Variants in STAG1 observed in about 807,000 individuals in gnomAD.
STAG1 encodes cohesin subunit SA-1.
Under a neutral mutation model 170.9 loss-of-function variants are expected in STAG1, and 26 were observed. The observed-to-expected ratio is 0.15, with a 90% CI of 0.11 to 0.21. The LOEUF (loss-of-function observed/expected upper bound fraction) is 0.21. Ranked by LOEUF, STAG1 falls within the 10% of genes least tolerant of loss-of-function variation. The pLI is 1.00. For missense variants in STAG1, 964 were observed against 1,509.5 expected, an observed-to-expected ratio of 0.64 and a Z score of 5.99; for synonymous variants, 514 against 497.7, an observed-to-expected ratio of 1.03 and a Z score of -0.44.
intron 22 of STAG1, among the ~76,000 whole-genome samples, chr3:136,393,651 T>C (rs2087071397): frequency 6.7e-6 from 1 of 149,596 alleles, no homozygotes; most frequent in African/African-American, 2.5e-5. Flanking sequence ...TGGAGTGCAC[T>C]GGTGTAATCT....
intron 1 of STAG1, among the ~76,000 whole-genome samples, chr3:136,681,479 CA>C (rs1942333650): frequency 6.6e-6 from 1 of 151,988 alleles, no homozygotes; most frequent in South Asian, 2.1e-4. Flanking sequence ...AGGCACAATC[CA>C]AACAAGGTAG....
intron 1 of STAG1, among the ~76,000 whole-genome samples, chr3:136,695,040 G>A (rs1045466529): frequency 6.6e-6 from 1 of 152,168 alleles, no homozygotes; most frequent in Non-Finnish European, 1.5e-5. Context: ...ACTCTTAAAT[G>A]CATTTGGATG....
rs1943529003 is a variant in STAG1 at position 136,715,893 on chromosome 3, T to C, written c.-84+36302A>G. Among the ~76,000 whole-genome samples the C allele has an allele frequency of 2.7e-5, 4 of 149,784 alleles. No homozygotes were observed. In the South Asian group the frequency reaches 8.5e-4, roughly 32 times the overall value. ...CAGGCAGATCACCTGAGGTGAGGAG[T>C]TCGAGACCAGCCTGGCCAACGTGGC... On this transcript the variant is annotated intron_variant, in intron 1 of 33. Transcript: ENST00000383202.
At chr3:136,741,648 A>C (rs1217813415) in intron 1 of STAG1, among the ~76,000 whole-genome samples, 1 of 152,096 alleles carries the variant, frequency 6.6e-6, no homozygotes, top group African/African-American at 2.4e-5. Context: ...TTGTATTTTT[A>C]GTAGAGATGG....
At chr3:136,623,281 T>G in intron 2 of STAG1, 33 bp from the exon 3 acceptor site, 1 of 1,582,470 alleles carries the variant, frequency 6.3e-7, no homozygotes, top group South Asian at 1.1e-5. Context: ...AGCGAACAAA[T>G]TAATAAGTAT....
At chr3:136,514,847 G>T (rs1035661842) in intron 7 of STAG1, among the ~76,000 whole-genome samples, 3 of 152,072 alleles carry the variant, frequency 2.0e-5, no homozygotes, top group African/African-American at 7.2e-5. Context: ...TCACTCATAG[G>T]TGGGAATTGA....
At chr3:136,641,102 A>G (rs1940782139) in intron 1 of STAG1, among the ~76,000 whole-genome samples, 2 of 152,258 alleles carry the variant, frequency 1.3e-5, no homozygotes, top group South Asian at 4.1e-4. Flanking sequence ...TAATGAATAG[A>G]AGAGCTGTCT....
intron 1 of STAG1, among the ~76,000 whole-genome samples, chr3:136,742,734 G>T (rs1486714542): frequency 6.7e-6 from 1 of 149,400 alleles, no homozygotes. Flanking sequence ...AAAAAGAAAA[G>T]AAAATTAAAC....
intron 1 of STAG1, among the ~76,000 whole-genome samples, chr3:136,709,568 T>TA (rs1174688582): frequency 1.3e-5 from 2 of 150,460 alleles, no homozygotes; most frequent in Non-Finnish European, 1.5e-5. Context: ...GACCCATCTC[T>TA]AAAAAAATAA....
chr3:136,402,094 C>T lies in STAG1; in HGVS notation c.2197-3265G>A, dbSNP rs542699783. Among the ~76,000 whole-genome samples the T allele has an allele frequency of 1.5e-3, 221 of 152,142 alleles. No individual in the cohort carries two copies. The South Asian group carries it at 0.023, about 16-fold the overall frequency. ...TTTATCTTGTGTCACTATGATCTTC[C>T]CCACTTGATAAACTACAAACCATAA... On this transcript the variant is annotated intron_variant, in intron 21 of 33. Transcript: ENST00000383202.
intron 1 of STAG1, among the ~76,000 whole-genome samples, chr3:136,716,212 T>G (rs553319837): frequency 6.6e-6 from 1 of 151,932 alleles, no homozygotes; most frequent in Admixed American, 6.6e-5. Context: ...ATCCCACCAC[T>G]TTGGGAGGCT....
chr3:136,517,671 T>A (rs1934448842), intron 7 of STAG1, among the ~76,000 whole-genome samples: 1 of 151,690 alleles, frequency 6.6e-6, no homozygotes, highest in African/African-American at 2.4e-5. Context: ...AATTTGAAAA[T>A]AAAAAAGTTC....
At chr3:136,690,481 C>T (rs1431879819) in intron 1 of STAG1, among the ~76,000 whole-genome samples, 1 of 152,224 alleles carries the variant, frequency 6.6e-6, no homozygotes, top group Non-Finnish European at 1.5e-5. Context: ...ACATGATCTG[C>T]CCATCTGGGC....
intron 7 of STAG1, among the ~76,000 whole-genome samples, chr3:136,506,645 C>CAAAAAAA (rs1248797469): frequency 2.1e-5 from 1 of 46,548 alleles, no homozygotes; most frequent in Non-Finnish European, 4.6e-5. Flanking sequence ...GACTCCACCT[C>CAAAAAAA]AAAAAAAAAA....
chr3:136,528,600 G>A (rs903647722), intron 6 of STAG1, among the ~76,000 whole-genome samples: 1 of 148,680 alleles, frequency 6.7e-6, no homozygotes, highest in Non-Finnish European at 1.5e-5. Context: ...ATACAGAGGA[G>A]TCAGCAAAAC....
chr3:136,341,904 T>C (rs1935990094), intron 30 of STAG1, among the ~76,000 whole-genome samples: 2 of 152,234 alleles, frequency 1.3e-5, no homozygotes, highest in South Asian at 4.1e-4. Context: ...CTGAAAGTTC[T>C]CCAGAATTCA....
intron 1 of STAG1, among the ~76,000 whole-genome samples, chr3:136,633,920 T>G (rs1475289009): frequency 7.5e-6 from 1 of 133,310 alleles, no homozygotes; most frequent in Non-Finnish European, 1.5e-5. Context: ...GGTCAAGAGT[T>G]TAAGACCAGA....
intron 9 of STAG1, among the ~76,000 whole-genome samples, chr3:136,497,845 A>G (rs2107857224): frequency 6.9e-6 from 1 of 145,612 alleles, no homozygotes; most frequent in African/African-American, 2.6e-5. Context: ...ACAGAGCGAG[A>G]CTCATCTCAA....
intron 21 of STAG1, among the ~76,000 whole-genome samples, chr3:136,409,296 A>G (rs759367354): frequency 1.3e-5 from 2 of 152,024 alleles, no homozygotes; most frequent in Non-Finnish European, 2.9e-5. Flanking sequence ...GTAAATAAAT[A>G]ATAAGTCACA....
Sources: allele counts gnomAD v4.1 joint callset (sites outside exome capture counted in the v4.1 genomes callset), GRCh38; gene constraint gnomAD v4.1.1; transcripts MANE v1.5; gene names NCBI Gene and HGNC (gene_info 2026-07-23, HGNC 2026-07-21).